The following NFIX variants were observed in gnomAD, a reference collection of about 807,000 sequenced individuals.
The protein encoded by NFIX is nuclear factor 1 X-type.
A neutral mutation model predicts 53.3 loss-of-function variants in NFIX; 2 were observed. That is an observed-to-expected ratio of 0.04 (90% CI 0.02 to 0.12). NFIX has a LOEUF of 0.12. NFIX is among the 10% of genes least tolerant of loss of function. The pLI is 1.00. For missense variants in NFIX, 310 were observed against 674.5 expected (o/e 0.46, Z 5.99); for synonymous variants, 244 against 289.0 (o/e 0.84, Z 1.58).
At chr19:13,029,332 T>A (rs560501111) in intron 2 of NFIX, among the ~76,000 whole-genome samples, 1 of 152,354 alleles carries the variant, frequency 6.6e-6, no homozygotes, top group South Asian at 2.1e-4. Context: ...TTCAGCATTT[T>A]TTTTTAGTAT....
intron 1 of NFIX, among the ~76,000 whole-genome samples, chr19:12,997,011 C>T (rs758668550): frequency 6.6e-6 from 1 of 152,254 alleles, no homozygotes; most frequent in Non-Finnish European, 1.5e-5. Flanking sequence ...GAGGGGACAT[C>T]TAGGGGCTGC....
rs1004014146 is a variant in NFIX at position 13,040,416 on chromosome 19, G to A, written c.559+14864G>A. On this transcript the variant is annotated intron_variant, in intron 2 of 10. Coordinates refer to ENST00000592199, the MANE Select transcript of NFIX (RefSeq NM_001365902.3). This position sits in a 1 kb window ranked among gnomAD's most constrained non-coding sequence, Gnocchi z 4.2. The stretch of plus-strand genomic sequence containing the variant: ...CTCACTCGTGACAGGGTCTCTTCCC[G>A]TGCCAGATCTTCCCTGCCACGCTAG... Among the ~76,000 whole-genome samples the A allele has an allele frequency of 3.3e-5, 5 of 152,208 alleles. No individual in the cohort carries two copies. The highest frequency in any genetic ancestry group is 6.5e-5 in the Admixed American group (1 of 15,278).
rs967612049 is a variant in NFIX at position 13,088,538 on chromosome 19, T to C, written c.1402+402T>C. Among the ~76,000 whole-genome samples, 7 of 151,840 alleles carry C rather than the reference T, an allele frequency of 4.6e-5. 1 individual carries two copies. Among genetic ancestry groups the C allele is most frequent in the Admixed American group, 3.9e-4 (6 of 15,272 alleles). ...TTTGTTTTTTAATTTTTTTGTTGTT[T>C]CGTTGTTCCCCCCACACCAAGAAAA... On this transcript the variant is annotated intron_variant, in intron 9 of 10. Transcript: ENST00000592199. This position sits in a 1 kb window ranked among gnomAD's most constrained non-coding sequence, Gnocchi z 5.9.
Position 13,037,462 on chromosome 19 carries a change from G to T in NFIX, c.559+11910G>T, listed in dbSNP as rs1335436081. Reference sequence around the variant, plus strand: ...AGAGATGGCGCCTGGGGAAGAAAGAGGAGACAAGGATAGTATTCTGGCCCC... The same window carrying T: ...AGAGATGGCGCCTGGGGAAGAAAGATGAGACAAGGATAGTATTCTGGCCCC... On this transcript the variant is annotated intron_variant, in intron 2 of 10. Transcript: ENST00000592199. The surrounding 1 kb of genome is among the most constrained non-coding windows in gnomAD (Gnocchi z 4.2). Among the ~76,000 whole-genome samples, 2 of 152,222 alleles carry T rather than the reference G, an allele frequency of 1.3e-5. No homozygotes were observed. Among genetic ancestry groups the T allele is most frequent in the Non-Finnish European group, 2.9e-5 (2 of 68,048 alleles).
rs374401065 is a variant in NFIX, at chr19:13,090,532, C to G, written c.1494+142C>G. The G allele has an allele frequency of 1.3e-6, 1 of 786,846 alleles. No homozygotes were observed. The highest frequency in any genetic ancestry group is 1.7e-5 in the African/African-American group (1 of 58,686). 48.7% of individuals were successfully genotyped at this position (786,846 alleles called of 1,614,324 possible). ...CTGAGGTGGGGCTGGAGGGCCCAGGCTTTTGCACGCCCAGCTGAGCCTGTC... is the reference window on the plus strand; with the variant it reads ...CTGAGGTGGGGCTGGAGGGCCCAGGGTTTTGCACGCCCAGCTGAGCCTGTC... On this transcript the variant is annotated intron_variant, in intron 10 of 10. Transcript: ENST00000592199. This position sits in a 1 kb window ranked among gnomAD's most constrained non-coding sequence, Gnocchi z 6.6.
In NFIX at chr19:13,022,823, C is replaced by A. The variant is rs1364277136; in HGVS notation, c.28-2198C>A. ...AGTCCCCCCCAATGCCCCACCCCAC[C>A]CCCAGATTTGCTGGGTGGCTGCTGC... On this transcript the variant is annotated intron_variant, in intron 1 of 10. Transcript: ENST00000592199. This position sits in a 1 kb window ranked among gnomAD's most constrained non-coding sequence, Gnocchi z 4.5. Among the ~76,000 whole-genome samples the A allele has an allele frequency of 2.0e-5, 3 of 152,132 alleles. No individual in the cohort carries two copies. The highest frequency in any genetic ancestry group is 4.4e-5 in the Non-Finnish European group (3 of 68,022).
chr19:13,041,877 T>G (rs954876527), intron 2 of NFIX, among the ~76,000 whole-genome samples: 2 of 152,046 alleles, frequency 1.3e-5, no homozygotes, highest in East Asian at 3.8e-4. Context: ...GTTTAGCATC[T>G]TTTCTTTTTC....
intron 5 of NFIX, 95 bp from the exon 6 acceptor site, chr19:13,075,440 G>A (rs913067127): frequency 1.1e-4 from 153 of 1,371,208 alleles, no homozygotes; most frequent in Middle Eastern, 1.8e-4. Flanking sequence ...CCACCCAGAG[G>A]GCCATCTATG....
intron 2 of NFIX, among the ~76,000 whole-genome samples, chr19:13,039,907 C>T (rs1200189122): frequency 2.6e-5 from 4 of 151,852 alleles, no homozygotes; most frequent in South Asian, 2.1e-4. Flanking sequence ...TAAAGGCTCA[C>T]GATGGTATAA....
chr19:13,039,969 G>A (rs2014503926), intron 2 of NFIX, among the ~76,000 whole-genome samples: 1 of 152,126 alleles, frequency 6.6e-6, no homozygotes, highest in South Asian at 2.1e-4. Context: ...GAAAGTGGCA[G>A]GTGTGCTCTC....
At chr19:13,017,670 G>A (rs1049339043) in intron 1 of NFIX, among the ~76,000 whole-genome samples, 2 of 152,214 alleles carry the variant, frequency 1.3e-5, no homozygotes, top group Non-Finnish European at 2.9e-5. Context: ...GGGATTTGCT[G>A]TGGTGCCTGG....
At position 13,024,726 on chromosome 19, in the gene NFIX, G is replaced by C. The variant is rs892637829; in HGVS notation, c.28-295G>C. The C allele has an allele frequency of 3.3e-6, 5 of 1,534,686 alleles. No homozygotes were observed. In the African/African-American group the frequency reaches 5.5e-5, roughly 17 times the overall value. ...GTTGTCTGTGCGCGTGTGTGTGAGT[G>C]AGTGAGGGAGAGAGAGAGAGAATAG... On this transcript the variant is annotated intron_variant, in intron 1 of 10. Coordinates refer to ENST00000592199, the MANE Select transcript of NFIX (RefSeq NM_001365902.3).
chr19:13,027,840 C>T lies in NFIX; in HGVS notation c.559+2288C>T, dbSNP rs539873957. Among the ~76,000 whole-genome samples the T allele has an allele frequency of 1.3e-5, 2 of 152,238 alleles. No homozygotes were observed. Among genetic ancestry groups the T allele is most frequent in the South Asian group, 2.1e-4 (1 of 4,824 alleles). ...CACTTCTCTGGGCTGGGGCTGAGGC[C>T]GAGTCTCCTCTACAAAAGCAGAGTA... On this transcript the variant is annotated intron_variant, in intron 2 of 10. Transcript: ENST00000592199. The surrounding 1 kb of genome is among the most constrained non-coding windows in gnomAD (Gnocchi z 4.3).
rs1022932646 is a variant in NFIX at position 12,996,042 on chromosome 19, G to A, written c.27+178G>A. 1.7e-4 allele frequency among the ~76,000 whole-genome samples: 26 copies of A among 151,428 alleles called. No individual in the cohort carries two copies. Among genetic ancestry groups the A allele is most frequent in the African/African-American group, 5.8e-4 (24 of 41,414 alleles). On this transcript the variant is annotated intron_variant, in intron 1 of 10. Coordinates refer to ENST00000592199, the MANE Select transcript of NFIX (RefSeq NM_001365902.3). The surrounding 1 kb of genome is among the most constrained non-coding windows in gnomAD (Gnocchi z 5.2). ...GGCACGCGTGCGGGCGTCACCGTGC[G>A]CGTGCGACCCTGGCCACCGGGCGGA...
rs1325205070 is a variant in NFIX at position 13,094,962 on chromosome 19, C to T, written c.*313C>T. The T allele has an allele frequency of 1.1e-5, 4 of 351,402 alleles. No homozygotes were observed. The highest frequency in any genetic ancestry group is 2.1e-5 in the Non-Finnish European group (4 of 189,842). The allele number at this position is 351,402 out of a possible 1,614,324, so 21.8% of individuals were successfully genotyped here. On this transcript the variant is annotated 3_prime_UTR_variant, in exon 11 of 11. Transcript: ENST00000592199. This position sits in a 1 kb window ranked among gnomAD's most constrained non-coding sequence, Gnocchi z 4.3. ...AAAGCAAGAAAGGATGCAGAACTGC[C>T]TTCCTCCCCCTGACCCCGCCCCGGC...
In NFIX at chr19:13,088,388, G is replaced by C. The variant is rs911619518; in HGVS notation, c.1402+252G>C. On this transcript the variant is annotated intron_variant, in intron 9 of 10. Transcript: ENST00000592199. This position sits in a 1 kb window ranked among gnomAD's most constrained non-coding sequence, Gnocchi z 5.9. ...GCCCCTGGCCCAGGCCCCTCTGGGG[G>C]GCGGGAGGGAGAGCACAGCTGGGGC... Among the ~76,000 whole-genome samples, 1 of 152,110 alleles carries C rather than the reference G, an allele frequency of 6.6e-6. No individual in the cohort carries two copies. Among genetic ancestry groups the C allele is most frequent in the African/African-American group, 2.4e-5 (1 of 41,434 alleles).
chr19:13,031,937 C>T (rs902578555), intron 2 of NFIX, among the ~76,000 whole-genome samples: 1 of 152,138 alleles, frequency 6.6e-6, no homozygotes, highest in African/African-American at 2.4e-5. Flanking sequence ...ACTCCCTCCC[C>T]ACCCCTTTTT....
chr19:12,999,298 G>A (rs549483601), intron 1 of NFIX, among the ~76,000 whole-genome samples: 92 of 151,406 alleles, frequency 6.1e-4, no homozygotes, highest in Admixed American at 1.1e-3. Flanking sequence ...TCAGCTTCCC[G>A]AGTAGCTGGG....
intron 2 of NFIX, among the ~76,000 whole-genome samples, chr19:13,057,554 T>C (rs1332374514): frequency 6.6e-6 from 1 of 152,066 alleles, no homozygotes; most frequent in Non-Finnish European, 1.5e-5. Flanking sequence ...GGCCCTCCCC[T>C]GCTCATGTCC....
Sources: gnomAD v4.1 joint callset for allele counts (sites outside exome capture counted in the v4.1 genomes callset) on GRCh38, gnomAD v4.1.1 for gene constraint, Gnocchi (gnomAD v3.1) non-coding constraint, MANE v1.5 for transcripts, NCBI Gene and HGNC (gene_info 2026-07-23, HGNC 2026-07-21) for gene names.